ASTN2: variants seen among roughly 807,000 people sequenced by gnomAD.
ASTN2 encodes the protein astrotactin 2, also known as astrotactin-2.
A neutral mutation model predicts 139.8 loss-of-function variants in ASTN2; 54 were observed. The observed-to-expected ratio is 0.39, with a 90% CI of 0.31 to 0.48. The LOEUF is 0.48. Among genes scored for constraint, ASTN2 ranks in the 20% least tolerant of loss-of-function variants. The probability of loss-of-function intolerance (pLI) is 0.95; values close to 1 mark genes in which losing one functional copy is unlikely to be tolerated. For missense variants in ASTN2, 1,565 were observed against 1,725.1 expected (o/e 0.91, Z 1.64); for synonymous variants, 756 against 719.5 (o/e 1.05, Z -0.81).
intron 1 of ASTN2, among the ~76,000 whole-genome samples, chr9:117,332,307 A>G (rs1469810343): frequency 6.6e-6 from 1 of 152,210 alleles, no homozygotes; most frequent in Non-Finnish European, 1.5e-5. Flanking sequence ...GTGGTGGCTC[A>G]TGCCTGTAAT....
intron 11 of ASTN2, among the ~76,000 whole-genome samples, chr9:116,857,171 G>A (rs1832761464): frequency 6.6e-6 from 1 of 152,204 alleles, no homozygotes; most frequent in South Asian, 2.1e-4. Context: ...AACAGTCTTT[G>A]TATGGATAGT....
intron 5 of ASTN2, among the ~76,000 whole-genome samples, chr9:117,091,164 A>G (rs1828695825): frequency 6.6e-6 from 1 of 152,232 alleles, no homozygotes; most frequent in Non-Finnish European, 1.5e-5. Context: ...CCCAGCAGGC[A>G]GGCATAAAGC....
intron 16 of ASTN2, among the ~76,000 whole-genome samples, chr9:116,679,314 A>T (rs538899523): frequency 6.6e-6 from 1 of 152,240 alleles, no homozygotes; most frequent in South Asian, 2.1e-4. Context: ...TTAGATATTA[A>T]ATCCTGTAAA....
intron 19 of ASTN2, among the ~76,000 whole-genome samples, chr9:116,537,749 G>A (rs770342876): frequency 6.6e-6 from 1 of 152,192 alleles, no homozygotes; most frequent in Non-Finnish European, 1.5e-5. Flanking sequence ...GATGCCCTGT[G>A]GGAACAGGAT....
intron 10 of ASTN2, among the ~76,000 whole-genome samples, chr9:116,961,145 C>A (rs1835864598): frequency 6.6e-6 from 1 of 152,096 alleles, no homozygotes; most frequent in African/African-American, 2.4e-5. Context: ...ACCCTTCCCC[C>A]AAAACCATTC....
At chr9:116,941,516 T>G (rs1835228786) in intron 10 of ASTN2, among the ~76,000 whole-genome samples, 1 of 151,828 alleles carries the variant, frequency 6.6e-6, no homozygotes, top group Admixed American at 6.6e-5. Context: ...CTGCTTGTTC[T>G]TTTCAAGCCT....
intron 10 of ASTN2, among the ~76,000 whole-genome samples, chr9:116,894,920 G>T (rs1833847380): frequency 6.6e-6 from 1 of 152,170 alleles, no homozygotes. Flanking sequence ...AGAAGCAACT[G>T]ATTTTCCAAA....
chr9:116,718,964 C>T (rs1327292995), intron 16 of ASTN2, among the ~76,000 whole-genome samples: 1 of 33,526 alleles, frequency 3.0e-5, no homozygotes, highest in Non-Finnish European at 6.0e-5. Context: ...ATATCTATAC[C>T]TGTATCTGTA....
At chr9:116,867,813 G>C (rs1010273213) in intron 10 of ASTN2, among the ~76,000 whole-genome samples, 3 of 152,148 alleles carry the variant, frequency 2.0e-5, no homozygotes, top group Non-Finnish European at 4.4e-5. Flanking sequence ...TAAGTCAAGA[G>C]AAGTGATTGT....
intron 19 of ASTN2, among the ~76,000 whole-genome samples, chr9:116,608,638 T>G (rs978478239): frequency 5.3e-5 from 8 of 152,164 alleles, no homozygotes; most frequent in Admixed American, 1.3e-4. Context: ...GAACAAAATA[T>G]TTTGAACAAA....
At position 116,698,389 on chromosome 9, in the gene ASTN2, C is replaced by G. The variant is rs1425805931; in HGVS notation, c.2806+27382G>C. ...GGCTCTTTGGCTGAAGTTGAGAAGT[C>G]CAATAGTCAAGTGGTAGAGGAGCAG... is the stretch of plus-strand genomic sequence containing the variant. On this transcript the variant is annotated intron_variant, in intron 16 of 22. Transcript: ENST00000313400. The surrounding 1 kb of genome is among the most constrained non-coding windows in gnomAD (Gnocchi z 4.4). 10 of 1,613,924 alleles carry G rather than the reference C, an allele frequency of 6.2e-6. No individual in the cohort carries two copies. The highest frequency in any genetic ancestry group is 7.6e-6 in the Non-Finnish European group (9 of 1,180,022).
At chr9:117,126,373 G>C (rs552760393) in intron 4 of ASTN2, among the ~76,000 whole-genome samples, 1 of 152,322 alleles carries the variant, frequency 6.6e-6, no homozygotes, top group South Asian at 2.1e-4. Flanking sequence ...GCTCCTGGCT[G>C]TGCAAGTTTG....
chr9:116,693,408 G>A (rs1860673419), intron 16 of ASTN2, among the ~76,000 whole-genome samples: 1 of 152,196 alleles, frequency 6.6e-6, no homozygotes, highest in Non-Finnish European at 1.5e-5. Flanking sequence ...GGAAAACCCA[G>A]TGGTGCTAGA....
chr9:116,789,319 G>A (rs1359454887), intron 13 of ASTN2, among the ~76,000 whole-genome samples: 1 of 152,202 alleles, frequency 6.6e-6, no homozygotes, highest in Non-Finnish European at 1.5e-5. Flanking sequence ...GGCATACAAT[G>A]AATTAACCAG....
At chr9:117,378,875 G>A (rs1036421674) in intron 1 of ASTN2, among the ~76,000 whole-genome samples, 11 of 152,144 alleles carry the variant, frequency 7.2e-5, no homozygotes, top group African/African-American at 2.2e-4. Flanking sequence ...TTCTGGGGAC[G>A]GATCCTTCAT....
chr9:117,330,167 C>T (rs1828655373), intron 1 of ASTN2, among the ~76,000 whole-genome samples: 1 of 152,144 alleles, frequency 6.6e-6, no homozygotes, highest in South Asian at 2.1e-4. Flanking sequence ...AGAGCCTGCC[C>T]AAGTCAACCT....
chr9:117,233,230 C>A (rs1475115552), intron 2 of ASTN2, among the ~76,000 whole-genome samples: 3 of 152,148 alleles, frequency 2.0e-5, no homozygotes, highest in Non-Finnish European at 2.9e-5. Context: ...TTCCCCCAAG[C>A]GAGCATGTGT....
chr9:117,396,540 T>C (rs1452520277), intron 1 of ASTN2, among the ~76,000 whole-genome samples: 2 of 152,166 alleles, frequency 1.3e-5, no homozygotes, highest in African/African-American at 2.4e-5. Context: ...TGTAGGTGCA[T>C]ATATTTATGG....
chr9:116,797,718 G>A (rs925375576), intron 13 of ASTN2, among the ~76,000 whole-genome samples: 10 of 152,052 alleles, frequency 6.6e-5, no homozygotes, highest in South Asian at 2.1e-4. Flanking sequence ...TGAGATCATC[G>A]TCTATTATAA....
Sources: gnomAD v4.1 joint callset for allele counts (sites outside exome capture counted in the v4.1 genomes callset) on GRCh38, gnomAD v4.1.1 for gene constraint, Gnocchi (gnomAD v3.1) non-coding constraint, MANE v1.5 for transcripts, NCBI Gene and HGNC (gene_info 2026-07-23, HGNC 2026-07-21) for gene names.